Variants in CSMD1 observed in about 807,000 individuals in gnomAD.
CSMD1 encodes the protein CUB and Sushi multiple domains 1.
A neutral mutation model predicts 417.5 loss-of-function variants in CSMD1; 213 were observed. That is an observed-to-expected ratio of 0.51 (90% confidence interval 0.46 to 0.57). The LOEUF (loss-of-function observed/expected upper bound fraction) is 0.57, where lower values mean the gene tolerates loss of function less well. CSMD1 is among the 20% of genes least tolerant of loss of function. The pLI is 0.00. For synonymous variants in CSMD1, 2,862 were observed against 1,736.8 expected (o/e 1.65, Z -16.11); for missense variants, 6,923 against 4,529.7 (o/e 1.53, Z -15.17).
chr8:4,258,601 T>C (rs1392007608), intron 3 of CSMD1, among the ~76,000 whole-genome samples: 2 of 63,186 alleles, frequency 3.2e-5, no homozygotes, highest in African/African-American at 1.1e-4. Context: ...GAGGGAACCC[T>C]TGTTCTCATA....
intron 12 of CSMD1, among the ~76,000 whole-genome samples, chr8:3,462,223 C>T (rs900257755): frequency 2.0e-5 from 3 of 152,138 alleles, no homozygotes; most frequent in African/African-American, 4.8e-5. Context: ...CCACCCATGT[C>T]AATGGTCAAT....
intron 5 of CSMD1, among the ~76,000 whole-genome samples, chr8:3,982,181 TA>T (rs1813927730): frequency 5.3e-5 from 7 of 131,060 alleles, no homozygotes; most frequent in Non-Finnish European, 9.9e-5. Flanking sequence ...ATAATAATAA[TA>T]ATAATAATAT....
At position 3,926,106 on chromosome 8, in the gene CSMD1, C is replaced by G. The variant is rs1457788056; in HGVS notation, c.818+71797G>C. Among the ~76,000 whole-genome samples the G allele has an allele frequency of 5.4e-3, 276 of 51,158 alleles. 7 individuals are homozygous for G. The highest frequency in any genetic ancestry group is 0.019 in the African/African-American group (240 of 12,496). The allele number at this position is 51,158 out of a possible 152,430, so 33.6% of individuals were successfully genotyped here. ...ATACACACACACACACACACACACA[C>G]ACACACACACACACACACACACACA... On this transcript the variant is annotated intron_variant, in intron 5 of 69. Coordinates refer to ENST00000635120, the MANE Select transcript of CSMD1 (RefSeq NM_033225.6).
intron 2 of CSMD1, among the ~76,000 whole-genome samples, chr8:4,545,748 T>C (rs185612781): frequency 2.0e-5 from 3 of 152,270 alleles, no homozygotes; most frequent in East Asian, 1.9e-4. Context: ...CAGGCATCCA[T>C]GGAAAAACGC....
chr8:3,097,184 CAGAG>C, intron 46 of CSMD1, 147 bp from the exon 47 acceptor site: 3 of 587,054 alleles, frequency 5.1e-6, no homozygotes, highest in Non-Finnish European at 8.8e-6. Flanking sequence ...AATGCAAACA[CAGAG>C]GGAGGGCAAC....
intron 2 of CSMD1, among the ~76,000 whole-genome samples, chr8:4,535,007 T>A (rs1393546211): frequency 2.0e-5 from 3 of 152,142 alleles, no homozygotes; most frequent in Admixed American, 1.3e-4. Flanking sequence ...GTGATCTGCC[T>A]GCCTCAGCCT....
chr8:3,193,234 T>C (rs1297683582), intron 33 of CSMD1, among the ~76,000 whole-genome samples: 1 of 152,192 alleles, frequency 6.6e-6, no homozygotes, highest in Non-Finnish European at 1.5e-5. Flanking sequence ...CAAGGGTCAT[T>C]TGTACACAAG....
At chr8:3,772,396 C>CATATAT (rs1246977888) in intron 5 of CSMD1, among the ~76,000 whole-genome samples, 1,122 of 68,292 alleles carry the variant, frequency 0.016, 217 homozygotes, top group African/African-American at 0.06. Context: ...TTTATATATA[C>CATATAT]ACATATATAC....
At chr8:3,706,877 C>G (rs1157039021) in intron 7 of CSMD1, among the ~76,000 whole-genome samples, 2 of 152,182 alleles carry the variant, frequency 1.3e-5, no homozygotes, top group Non-Finnish European at 2.9e-5. Flanking sequence ...ATTCCTTCTA[C>G]TGTTTCTCAG....
intron 18 of CSMD1, among the ~76,000 whole-genome samples, chr8:3,384,758 AT>A (rs1238863777): frequency 1.7e-5 from 2 of 120,026 alleles, no homozygotes; most frequent in South Asian, 4.5e-4. Context: ...ATTTATATAA[AT>A]TATATAAATA....
chr8:4,265,280 T>C (rs1339416272), intron 3 of CSMD1, among the ~76,000 whole-genome samples: 1 of 152,094 alleles, frequency 6.6e-6, no homozygotes, highest in East Asian at 1.9e-4. Flanking sequence ...CAAGGATAAT[T>C]ACTAAAAATA....
intron 10 of CSMD1, among the ~76,000 whole-genome samples, chr8:3,542,572 AAG>A (rs1428833161): frequency 6.6e-6 from 1 of 152,142 alleles, no homozygotes; most frequent in Non-Finnish European, 1.5e-5. Context: ...ATAGACAGGA[AAG>A]AGCGTACGTG....
intron 2 of CSMD1, among the ~76,000 whole-genome samples, chr8:4,621,407 G>T (rs1392704632): frequency 2.0e-5 from 3 of 152,088 alleles, no homozygotes; most frequent in African/African-American, 7.2e-5. Flanking sequence ...TATAATTAGA[G>T]ATGCTCAACC....
intron 3 of CSMD1, among the ~76,000 whole-genome samples, chr8:4,111,815 A>T (rs1173239496): frequency 6.6e-6 from 1 of 152,100 alleles, no homozygotes; most frequent in Non-Finnish European, 1.5e-5. Flanking sequence ...GCTAATACAT[A>T]TGGGGCTTGA....
In CSMD1 at chr8:3,468,695, G is replaced by C. The variant is rs761199887; in HGVS notation, c.1561+17C>G. 4.6e-6 allele frequency: 7 copies of C among 1,516,552 alleles called. No individual in the cohort carries two copies. In the Admixed American group the frequency reaches 5.4e-5, roughly 12 times the overall value. 93.9% of individuals were successfully genotyped at this position (1,516,552 alleles called of 1,614,324 possible). ...GAATGCTAACTTCCAACCCTGTGAA[G>C]TGTAATCTCATCATACCTTGGTAAA... On this transcript the variant is annotated intron_variant, in intron 12 of 69. Transcript: ENST00000635120.
intron 1 of CSMD1, among the ~76,000 whole-genome samples, chr8:4,840,821 A>T (rs1327068121): frequency 6.6e-6 from 1 of 152,250 alleles, no homozygotes; most frequent in South Asian, 2.1e-4. Context: ...AGGATTAAGT[A>T]TAGAATCATG....
At chr8:3,887,331 T>G in intron 5 of CSMD1, among the ~76,000 whole-genome samples, 1 of 152,148 alleles carries the variant, frequency 6.6e-6, no homozygotes, top group East Asian at 1.9e-4. Context: ...TTCTGAGACG[T>G]TTTCAGGATA....
At chr8:4,419,535 G>C (rs1030014115) in intron 3 of CSMD1, among the ~76,000 whole-genome samples, 23 of 152,228 alleles carry the variant, frequency 1.5e-4, no homozygotes, top group African/African-American at 5.3e-4. Flanking sequence ...AAAAATTTCA[G>C]CTTTGACAAC....
At chr8:4,254,677 G>C (rs141698149) in intron 3 of CSMD1, among the ~76,000 whole-genome samples, 1 of 152,040 alleles carries the variant, frequency 6.6e-6, no homozygotes, top group Non-Finnish European at 1.5e-5. Flanking sequence ...CCATTCTTAC[G>C]TTTCACTCCA....
Sources: allele counts gnomAD v4.1 joint callset (sites outside exome capture counted in the v4.1 genomes callset), GRCh38; gene constraint gnomAD v4.1.1; transcripts MANE v1.5; gene names NCBI Gene and HGNC (gene_info 2026-07-23, HGNC 2026-07-21).